Variants in HS3ST3B1 observed in about 807,000 individuals in gnomAD.
The protein encoded by HS3ST3B1 is heparan sulfate-glucosamine 3-sulfotransferase 3B1, also known as heparan sulfate glucosamine 3-O-sulfotransferase 3B1.
A neutral mutation model predicts 21.3 loss-of-function variants in HS3ST3B1; 13 were observed. That is an observed-to-expected ratio of 0.61 (90% CI 0.40 to 0.97). HS3ST3B1 has a LOEUF of 0.97. Among genes scored for constraint, HS3ST3B1 ranks in the 50% least tolerant of loss-of-function variants. The probability of loss-of-function intolerance (pLI) is 0.00; values close to 1 mark genes in which losing one functional copy is unlikely to be tolerated. For missense variants in HS3ST3B1, 459 were observed against 554.8 expected, an observed-to-expected ratio of 0.83 and a Z score of 1.73; for synonymous variants, 234 against 254.8, an observed-to-expected ratio of 0.92 and a Z score of 0.78.
intron 1 of HS3ST3B1, among the ~76,000 whole-genome samples, chr17:14,342,254 T>C (rs1910411065): frequency 6.6e-6 from 1 of 152,216 alleles, no homozygotes; most frequent in South Asian, 2.1e-4. Flanking sequence ...CTCTTTTTTT[T>C]TTCCTTTTAA....
intron 1 of HS3ST3B1, among the ~76,000 whole-genome samples, chr17:14,315,505 C>T (rs185154246): frequency 9.9e-5 from 15 of 152,228 alleles, no homozygotes; most frequent in African/African-American, 2.4e-4. Flanking sequence ...CTTTGAGATG[C>T]GCTATTCCAC....
Position 14,303,620 on chromosome 17 carries a change from A to C in HS3ST3B1, c.554+1548A>C, listed in dbSNP as rs1909019369. ...GTGCTCTCATCTGTGCAGTGGGAATAATGCAGGTTCTGGGCAGGGATGGGA... is the reference window on the plus strand; with the variant it reads ...GTGCTCTCATCTGTGCAGTGGGAATCATGCAGGTTCTGGGCAGGGATGGGA... On this transcript the variant is annotated intron_variant, in intron 1 of 1. Coordinates refer to ENST00000360954, the MANE Select transcript of HS3ST3B1 (RefSeq NM_006041.3). The surrounding 1 kb of genome is among the most constrained non-coding windows in gnomAD (Gnocchi z 5.7). Among the ~76,000 whole-genome samples, 1 of 152,106 alleles carries C rather than the reference A, an allele frequency of 6.6e-6. No homozygotes were observed. The highest frequency in any genetic ancestry group is 2.1e-4 in the South Asian group (1 of 4,820).
chr17:14,313,489 C>T lies in HS3ST3B1; in HGVS notation c.554+11417C>T, dbSNP rs146558073. ...AAAAGGAGAAACCTCAGAGAGATGGCAGCCTGTATATGAACACCACTCTCT... is the reference window on the plus strand; with the variant it reads ...AAAAGGAGAAACCTCAGAGAGATGGTAGCCTGTATATGAACACCACTCTCT... On this transcript the variant is annotated intron_variant, in intron 1 of 1. Coordinates refer to ENST00000360954, the MANE Select transcript of HS3ST3B1 (RefSeq NM_006041.3). 2.6e-3 allele frequency among the ~76,000 whole-genome samples: 403 copies of T among 152,292 alleles called. 2 individuals carry two copies. The highest frequency in any genetic ancestry group is 9.4e-3 in the African/African-American group (392 of 41,562).
chr17:14,302,628 C>T (rs1908975107), intron 1 of HS3ST3B1, among the ~76,000 whole-genome samples: 1 of 152,066 alleles, frequency 6.6e-6, no homozygotes. Flanking sequence ...GGTGTCAGAC[C>T]CGCCTCGCTC....
intron 1 of HS3ST3B1, among the ~76,000 whole-genome samples, chr17:14,313,715 C>T (rs546593907): frequency 1.3e-5 from 2 of 152,104 alleles, no homozygotes; most frequent in East Asian, 3.9e-4. Context: ...TGATTACAGG[C>T]ATGCGCCACC....
intron 1 of HS3ST3B1, among the ~76,000 whole-genome samples, chr17:14,313,170 A>G (rs1909386188): frequency 6.7e-6 from 1 of 149,118 alleles, no homozygotes; most frequent in Non-Finnish European, 1.5e-5. Flanking sequence ...GGGTTTCACC[A>G]TATTGGCCAG....
intron 1 of HS3ST3B1, among the ~76,000 whole-genome samples, chr17:14,335,756 A>G (rs752415724): frequency 1.3e-5 from 2 of 152,160 alleles, no homozygotes; most frequent in African/African-American, 2.4e-5. Context: ...GTCAATCAAT[A>G]TTTTCCCCAA....
At chr17:14,317,389 T>C (rs150101098) in intron 1 of HS3ST3B1, among the ~76,000 whole-genome samples, 16 of 152,286 alleles carry the variant, frequency 1.1e-4, no homozygotes, top group African/African-American at 3.6e-4. Context: ...TAGGCAGGCA[T>C]TGGGAAAACA....
At chr17:14,344,346 A>G (rs183278060) in intron 1 of HS3ST3B1, among the ~76,000 whole-genome samples, 25 of 152,328 alleles carry the variant, frequency 1.6e-4, no homozygotes, top group Non-Finnish European at 2.8e-4. Flanking sequence ...TCACCCAGGT[A>G]GTGAGCATAG....
At chr17:14,317,581 T>C (rs1257947479) in intron 1 of HS3ST3B1, among the ~76,000 whole-genome samples, 1 of 152,140 alleles carries the variant, frequency 6.6e-6, no homozygotes, top group East Asian at 1.9e-4. Context: ...TGGCTGGTTG[T>C]CCTGGAAACT....
At chr17:14,338,697 C>T (rs1910274975) in intron 1 of HS3ST3B1, among the ~76,000 whole-genome samples, 2 of 148,824 alleles carry the variant, frequency 1.3e-5, no homozygotes, top group Admixed American at 6.6e-5. Flanking sequence ...GCTGCCTTAG[C>T]CTCCCATAAT....
At chr17:14,344,937 G>A (rs1910502660) in intron 1 of HS3ST3B1, 91 bp from the exon 2 acceptor site, 1 of 1,493,116 alleles carries the variant, frequency 6.7e-7, no homozygotes, top group Non-Finnish European at 9.0e-7. Context: ...CCAGAAATAA[G>A]AGGGAGCTGG....
chr17:14,318,469 G>A (rs1429850037), intron 1 of HS3ST3B1, among the ~76,000 whole-genome samples: 5 of 152,170 alleles, frequency 3.3e-5, no homozygotes, highest in Admixed American at 1.3e-4. Flanking sequence ...CCTGCTTGCC[G>A]GTACTCCCAG....
At position 14,303,595 on chromosome 17, in the gene HS3ST3B1, G is replaced by A. The variant is rs1472859396; in HGVS notation, c.554+1523G>A. 6.6e-6 allele frequency among the ~76,000 whole-genome samples: 1 copy of A among 152,166 alleles called. No homozygotes were observed. Among genetic ancestry groups the A allele is most frequent in the Non-Finnish European group, 1.5e-5 (1 of 68,020 alleles). On this transcript the variant is annotated intron_variant, in intron 1 of 1. Transcript: ENST00000360954. This position sits in a 1 kb window ranked among gnomAD's most constrained non-coding sequence, Gnocchi z 5.7. ...GTCCTGGCTAGTCGCGTGAACCTTG[G>A]TGCTCTCATCTGTGCAGTGGGAATA...
intron 1 of HS3ST3B1, among the ~76,000 whole-genome samples, chr17:14,341,916 T>C (rs1403796525): frequency 6.6e-6 from 1 of 152,238 alleles, no homozygotes; most frequent in Non-Finnish European, 1.5e-5. Context: ...TCAATCACAT[T>C]AGCCTGATGA....
chr17:14,302,123 G>C, intron 1 of HS3ST3B1, 51 bp downstream of exon 1: 1 of 1,528,394 alleles, frequency 6.5e-7, no homozygotes. Context: ...CAGACCCTGA[G>C]CTAAGGGAGA....
chr17:14,312,101 T>TAA lies in HS3ST3B1; in HGVS notation c.554+10039_554+10040dup, dbSNP rs11289762. 7.1e-4 allele frequency among the ~76,000 whole-genome samples: 107 copies of TAA among 150,590 alleles called. 1 individual carries two copies. The highest frequency in any genetic ancestry group is 2.2e-3 in the Admixed American group (34 of 15,114). On this transcript the variant is annotated intron_variant, in intron 1 of 1. Coordinates refer to ENST00000360954, the MANE Select transcript of HS3ST3B1 (RefSeq NM_006041.3). ...GCCAGAAAGTCAGCAACTGTGTGAT[T>TAA]AAAAAAAAAAATGTCTTAGCCTCCG...
intron 1 of HS3ST3B1, among the ~76,000 whole-genome samples, chr17:14,324,394 C>A (rs772829470): frequency 1.1e-4 from 16 of 152,074 alleles, no homozygotes; most frequent in Non-Finnish European, 1.9e-4. Flanking sequence ...TTCTTTCTAT[C>A]TTCCTTTAAA....
intron 1 of HS3ST3B1, among the ~76,000 whole-genome samples, chr17:14,316,159 C>G (rs760400722): frequency 1.3e-5 from 2 of 152,260 alleles, no homozygotes; most frequent in East Asian, 1.9e-4. Flanking sequence ...GCAGGCTTCC[C>G]GTTCCTATAG....
Sources: allele counts gnomAD v4.1 joint callset (sites outside exome capture counted in the v4.1 genomes callset), GRCh38; gene constraint gnomAD v4.1.1; non-coding constraint Gnocchi (gnomAD v3.1); transcripts MANE v1.5; gene names NCBI Gene and HGNC (gene_info 2026-07-23, HGNC 2026-07-21).